The following ASIC2 variants were observed in gnomAD, a reference collection of about 807,000 sequenced individuals.
ASIC2 encodes the protein acid-sensing ion channel 2.
Under a neutral mutation model 57.3 loss-of-function variants are expected in ASIC2, and 25 were observed. The ratio of observed to expected loss-of-function variants is 0.44; its 90% confidence interval spans 0.32 to 0.61. The LOEUF (loss-of-function observed/expected upper bound fraction) is 0.61, where lower values mean the gene tolerates loss of function less well. ASIC2 is among the 20% of genes least tolerant of loss of function. ASIC2 has a pLI of 0.06. For missense variants in ASIC2, 641 were observed against 738.1 expected (o/e 0.87, Z 1.52); for synonymous variants, 319 against 307.5 (o/e 1.04, Z -0.39).
rs117359901 is a variant in ASIC2 at position 33,586,301 on chromosome 17, G to A, written c.556-474234C>T. On this transcript the variant is annotated intron_variant, in intron 1 of 9. Coordinates refer to the ASIC2 transcript ENST00000359872. ...TTCTCAGTCTGAGTTTACCATCTAG[G>A]GGGGCAGGGGGACCTATTGTAACCT... Among the ~76,000 whole-genome samples the A allele has an allele frequency of 6.1e-3, 933 of 152,172 alleles. 7 individuals carry two copies. The highest frequency in any genetic ancestry group is 0.011 in the Non-Finnish European group (715 of 68,004).
At chr17:34,070,145 AT>A (rs1909343623) in intron 1 of ASIC2, 2 of 152,252 alleles carry the variant, frequency 1.3e-5, no homozygotes, top group Admixed American at 1.3e-4. Context: ...TTTGATGGAC[AT>A]AAATTCCTCA....
chr17:33,107,928 G>A (rs2141983233), intron 2 of ASIC2, among the ~76,000 whole-genome samples: 1 of 152,308 alleles, frequency 6.6e-6, no homozygotes, highest in East Asian at 1.9e-4. Context: ...TCCAGATGTT[G>A]AGGTGCTGCA....
At chr17:33,019,701 T>C (rs2091826742) in intron 7 of ASIC2, among the ~76,000 whole-genome samples, 1 of 152,044 alleles carries the variant, frequency 6.6e-6, no homozygotes. Flanking sequence ...AGCCGGCTAT[T>C]CTGGATGGGA....
rs371993899 is a variant in ASIC2, at chr17:33,587,352, T to C, written c.556-475285A>G. On this transcript the variant is annotated intron_variant, in intron 1 of 9. Coordinates refer to the ASIC2 transcript ENST00000359872. The stretch of plus-strand genomic sequence containing the variant: ...ACAGAAGATCTCAGGGTCAGTTCAG[T>C]GGCTCAGTGATGTCATTCAGAACTC... Among the ~76,000 whole-genome samples the C allele has an allele frequency of 3.9e-5, 6 of 152,340 alleles. 1 individual carries two copies. The South Asian group carries it at 6.2e-4, about 16-fold the overall frequency.
At chr17:33,170,980 G>A (rs912034245) in intron 1 of ASIC2, among the ~76,000 whole-genome samples, 4 of 152,158 alleles carry the variant, frequency 2.6e-5, no homozygotes, top group African/African-American at 7.2e-5. Context: ...CAGGCCTTCA[G>A]ATGTGTGATG....
intron 1 of ASIC2, among the ~76,000 whole-genome samples, chr17:33,916,495 T>C (rs192929174): frequency 6.6e-6 from 1 of 152,188 alleles, no homozygotes; most frequent in Non-Finnish European, 1.5e-5. Flanking sequence ...TATTTGCTAG[T>C]CTTTTCAATT....
chr17:33,423,876 G>T (rs4572456), intron 1 of ASIC2, among the ~76,000 whole-genome samples: 1 of 152,036 alleles, frequency 6.6e-6, no homozygotes, highest in Admixed American at 6.5e-5. Flanking sequence ...CAGCAAGAAG[G>T]TTCAGGATGC....
intron 1 of ASIC2, among the ~76,000 whole-genome samples, chr17:33,362,869 T>C (rs1908665121): frequency 6.6e-6 from 1 of 152,134 alleles, no homozygotes; most frequent in Non-Finnish European, 1.5e-5. Flanking sequence ...ATGGAGAAAA[T>C]GGTTTGATTC....
At chr17:33,222,152 C>T (rs941767559) in intron 1 of ASIC2, among the ~76,000 whole-genome samples, 2 of 152,202 alleles carry the variant, frequency 1.3e-5, no homozygotes, top group African/African-American at 4.8e-5. Flanking sequence ...AGTCACAACT[C>T]ATGGCTTTCC....
chr17:33,518,126 AT>A (rs1214977376), intron 1 of ASIC2, among the ~76,000 whole-genome samples: 1 of 152,024 alleles, frequency 6.6e-6, no homozygotes, highest in Non-Finnish European at 1.5e-5. Flanking sequence ...CCTCTTTTTG[AT>A]TTTTTTGGAG....
chr17:33,604,757 A>AGG, intron 1 of ASIC2, among the ~76,000 whole-genome samples: 1 of 152,254 alleles, frequency 6.6e-6, no homozygotes, highest in South Asian at 2.1e-4. Context: ...TCAGGGTGGA[A>AGG]GGGAGGCCCA....
At chr17:33,225,780 C>T (rs1907856040) in intron 1 of ASIC2, among the ~76,000 whole-genome samples, 1 of 152,212 alleles carries the variant, frequency 6.6e-6, no homozygotes, top group Non-Finnish European at 1.5e-5. Context: ...TCTTTGGTCT[C>T]AGCCACCAGC....
At chr17:33,907,879 G>A (rs1915383704) in intron 1 of ASIC2, among the ~76,000 whole-genome samples, 1 of 152,142 alleles carries the variant, frequency 6.6e-6, no homozygotes, top group Non-Finnish European at 1.5e-5. Context: ...AAGCATTTAT[G>A]AATATTGATA....
intron 1 of ASIC2, among the ~76,000 whole-genome samples, chr17:33,283,009 T>C (rs1047853963): frequency 1.3e-5 from 2 of 152,228 alleles, no homozygotes; most frequent in Admixed American, 1.3e-4. Flanking sequence ...TAAGGGGCCA[T>C]CATTCAGCCT....
chr17:33,330,084 T>G (rs541195147), intron 1 of ASIC2, among the ~76,000 whole-genome samples: 32 of 152,326 alleles, frequency 2.1e-4, no homozygotes, highest in African/African-American at 7.7e-4. Flanking sequence ...TGTGTTTGTA[T>G]GCATTTATTT....
chr17:33,014,191 C>T (rs1323298111), intron 9 of ASIC2, 125 bp from the exon 10 acceptor site: 1 of 736,620 alleles, frequency 1.4e-6, no homozygotes, highest in Non-Finnish European at 2.4e-6. Context: ...CTGCTCCAGA[C>T]ATCTGATAGG....
intron 1 of ASIC2, among the ~76,000 whole-genome samples, chr17:33,485,994 C>G (rs1364315931): frequency 2.0e-5 from 3 of 152,184 alleles, no homozygotes; most frequent in African/African-American, 7.2e-5. Flanking sequence ...TGCCACCTTG[C>G]CCCCGCCTCA....
At chr17:33,874,450 G>T (rs1009189366) in intron 1 of ASIC2, among the ~76,000 whole-genome samples, 1 of 151,970 alleles carries the variant, frequency 6.6e-6, no homozygotes, top group Admixed American at 6.6e-5. Flanking sequence ...AATTTAACTG[G>T]GTGTTCTGTA....
At chr17:33,579,453 C>A (rs1032025457) in intron 1 of ASIC2, among the ~76,000 whole-genome samples, 1 of 152,008 alleles carries the variant, frequency 6.6e-6, no homozygotes, top group Non-Finnish European at 1.5e-5. Context: ...GGGTACCCAT[C>A]CAGTTTATTC....
Sources: allele counts gnomAD v4.1 joint callset (sites outside exome capture counted in the v4.1 genomes callset), GRCh38; gene constraint gnomAD v4.1.1; transcripts MANE v1.5; gene names NCBI Gene and HGNC (gene_info 2026-07-23, HGNC 2026-07-21).